The following SOX6 variants were observed in gnomAD, a reference collection of about 807,000 sequenced individuals.
SOX6 encodes the protein SRY-box transcription factor 6.
A neutral mutation model predicts 97.8 loss-of-function variants in SOX6; 11 were observed. The observed-to-expected ratio is 0.11, with a 90% confidence interval of 0.07 to 0.19. The LOEUF is 0.19. SOX6 is among the 10% of genes least tolerant of loss of function. The probability of loss-of-function intolerance (pLI) is 1.00; values close to 1 mark genes in which losing one functional copy is unlikely to be tolerated. For missense variants in SOX6, 810 were observed against 1,039.5 expected (o/e 0.78, Z 3.04); for synonymous variants, 360 against 371.4 (o/e 0.97, Z 0.35).
At chr11:16,549,319 G>T (rs576600724) in intron 4 of SOX6, among the ~76,000 whole-genome samples, 5 of 152,092 alleles carry the variant, frequency 3.3e-5, no homozygotes, top group Non-Finnish European at 2.9e-5. Flanking sequence ...ACAGGCATGC[G>T]CCACCACGCC....
intron 4 of SOX6, among the ~76,000 whole-genome samples, chr11:16,485,646 G>A (rs1004832940): frequency 2.0e-5 from 3 of 150,320 alleles, no homozygotes; most frequent in Non-Finnish European, 3.0e-5. Flanking sequence ...CAGAAGAATC[G>A]CTTGAACCCT....
intron 3 of SOX6, among the ~76,000 whole-genome samples, chr11:16,639,894 C>T (rs1404732464): frequency 6.6e-6 from 1 of 152,022 alleles, no homozygotes; most frequent in African/African-American, 2.4e-5. Context: ...AATTGAATAC[C>T]CTTTATTTCC....
chr11:16,533,401 A>T (rs73435559), intron 4 of SOX6, among the ~76,000 whole-genome samples: 6,261 of 151,996 alleles, frequency 0.041, 412 homozygotes, highest in African/African-American at 0.14. Context: ...TAAGATCAAA[A>T]AAATACTTGC....
At position 16,717,625 on chromosome 11, in the gene SOX6, C is replaced by T. The variant is rs1339592783; in HGVS notation, n.354-2720G>A. On this transcript the variant is annotated intron_variant and non_coding_transcript_variant, in intron 2 of 5. Transcript: ENST00000524520. ...ACTCTTCATGAAAACAGATATAGAA[C>T]ATTTGTATTCAATTACCGTATTAAA... Among the ~76,000 whole-genome samples the T allele has an allele frequency of 4.6e-5, 7 of 152,158 alleles. No individual in the cohort carries two copies. The South Asian group carries it at 1.5e-3, about 32-fold the overall frequency.
chr11:16,156,695 C>G (rs1298935612), intron 6 of SOX6, among the ~76,000 whole-genome samples: 14 of 151,962 alleles, frequency 9.2e-5, no homozygotes, highest in Non-Finnish European at 1.0e-4. Context: ...CTGGCTACAC[C>G]TAAAACATGC....
At chr11:16,687,614 G>T (rs1218390719) in intron 3 of SOX6, among the ~76,000 whole-genome samples, 4 of 152,280 alleles carry the variant, frequency 2.6e-5, no homozygotes, top group African/African-American at 9.6e-5. Context: ...TGCATAAAAA[G>T]TCTTTATCTT....
At chr11:16,480,627 C>T (rs1860326038), upstream of SOX6, among the ~76,000 whole-genome samples, 1 of 134,642 alleles carries the variant, frequency 7.4e-6, no homozygotes, top group Non-Finnish European at 1.6e-5. Context: ...TAAGCCACAC[C>T]CATTTCTGTT....
At chr11:16,491,900 C>T (rs186780690) in intron 4 of SOX6, among the ~76,000 whole-genome samples, 364 of 152,156 alleles carry the variant, frequency 2.4e-3, no homozygotes, top group Non-Finnish European at 4.1e-3. Flanking sequence ...TCCGAACCTG[C>T]GATCAATAAA....
At chr11:16,551,933 T>A (rs7111012) in intron 4 of SOX6, among the ~76,000 whole-genome samples, 129 of 152,248 alleles carry the variant, frequency 8.5e-4, no homozygotes, top group African/African-American at 2.5e-3. Flanking sequence ...ACAAAATTAA[T>A]CAAACAAAAT....
At chr11:16,640,983 T>G (rs943932966) in intron 3 of SOX6, among the ~76,000 whole-genome samples, 4 of 152,240 alleles carry the variant, frequency 2.6e-5, no homozygotes, top group Non-Finnish European at 5.9e-5. Flanking sequence ...GCTTCTCTAG[T>G]TCTTTTAAGT....
At chr11:16,132,678 T>G (rs1849850579) in intron 6 of SOX6, among the ~76,000 whole-genome samples, 1 of 151,192 alleles carries the variant, frequency 6.6e-6, no homozygotes, top group Non-Finnish European at 1.5e-5. Context: ...ATATCCCTCT[T>G]GAGCTATCGG....
At chr11:16,524,852 G>C (rs1861130048) in intron 4 of SOX6, among the ~76,000 whole-genome samples, 1 of 152,122 alleles carries the variant, frequency 6.6e-6, no homozygotes, top group African/African-American at 2.4e-5. Flanking sequence ...CAAACAGAGA[G>C]CCATATCATG....
intron 3 of SOX6, among the ~76,000 whole-genome samples, chr11:16,279,001 A>C (rs1230452259): frequency 6.6e-6 from 1 of 152,122 alleles, no homozygotes; most frequent in East Asian, 1.9e-4. Context: ...AAATGAGCAA[A>C]AACACTAAAA....
At chr11:16,645,028 T>C (rs1353567488) in intron 3 of SOX6, among the ~76,000 whole-genome samples, 1 of 152,222 alleles carries the variant, frequency 6.6e-6, no homozygotes, top group Non-Finnish European at 1.5e-5. Context: ...TAAGGATGTA[T>C]CTTAATTTGG....
chr11:16,013,355 C>T (rs1253489949), intron 13 of SOX6, among the ~76,000 whole-genome samples: 2 of 151,990 alleles, frequency 1.3e-5, no homozygotes, highest in African/African-American at 4.8e-5. Context: ...GAAACACTTC[C>T]ACACAGGCTT....
intron 4 of SOX6, among the ~76,000 whole-genome samples, chr11:16,232,724 C>T (rs1194897386): frequency 6.6e-6 from 1 of 152,030 alleles, no homozygotes; most frequent in Non-Finnish European, 1.5e-5. Context: ...AAAAGCTTGC[C>T]TTTGTACAAA....
intron 3 of SOX6, among the ~76,000 whole-genome samples, chr11:16,241,000 A>G (rs951237483): frequency 6.8e-5 from 4 of 58,734 alleles, no homozygotes; most frequent in Non-Finnish European, 1.2e-4. Context: ...ATATGAAGTA[A>G]GACACTCTAA....
At chr11:16,101,205 T>C (rs1848938052) in intron 7 of SOX6, among the ~76,000 whole-genome samples, 1 of 151,660 alleles carries the variant, frequency 6.6e-6, no homozygotes, top group South Asian at 2.1e-4. Context: ...ACGCATTTGG[T>C]ACAGCAAAAT....
intron 6 of SOX6, among the ~76,000 whole-genome samples, chr11:16,151,343 T>C (rs1336840270): frequency 1.3e-5 from 2 of 152,182 alleles, no homozygotes; most frequent in African/African-American, 4.8e-5. Flanking sequence ...TCATGTCAGC[T>C]TTTCCGATCG....
Sources: allele counts gnomAD v4.1 joint callset (sites outside exome capture counted in the v4.1 genomes callset), GRCh38; gene constraint gnomAD v4.1.1; transcripts MANE v1.5; gene names NCBI Gene and HGNC (gene_info 2026-07-23, HGNC 2026-07-21).